The following MEGF6 variants were observed in gnomAD, a reference collection of about 807,000 sequenced individuals.
MEGF6 encodes the protein multiple epidermal growth factor-like domains protein 6.
A neutral mutation model predicts 207.1 loss-of-function variants in MEGF6; 184 were observed. That is an observed-to-expected ratio of 0.89 (90% CI 0.79 to 1.00). MEGF6 has a LOEUF of 1.00. MEGF6 is among the 50% of genes least tolerant of loss of function. The pLI is 0.00. For synonymous variants in MEGF6, 1,038 were observed against 910.0 expected (o/e 1.14, Z -2.53); for missense variants, 2,282 against 2,202.9 (o/e 1.04, Z -0.72).
chr1:3,494,464 G>T lies in MEGF6; in HGVS notation c.4036C>A (p.Leu1346Met). ...CTGTTGTTGTGGCAGGAGCACTCCA[G>T]ATGGCAGGCGGCTCCGTAGCGCCCA... ...PPGRYGAACH[L>M]ECSCHNNSTC... The change falls in exon 32 of 37, where the codon CTG becomes ATG. Residue 1346 changes from leucine (L) to methionine (M), a missense_variant. Transcript: ENST00000356575. 6.3e-7 allele frequency: 1 copy of T among 1,579,282 alleles called. No homozygotes were observed. The highest frequency in any genetic ancestry group is 2.3e-5 in the East Asian group (1 of 42,992).
chr1:3,553,412 G>GC lies in MEGF6; in HGVS notation c.481+26412dup, dbSNP rs960866592. On this transcript the variant is annotated intron_variant, in intron 4 of 36. Coordinates refer to ENST00000356575, the MANE Select transcript of MEGF6 (RefSeq NM_001409.4). ...GGGGACACAGGCAAGAGACCCTCCC[G>GC]CCCCCCACCAGCCCCAGGAGGAAGA... Among the ~76,000 whole-genome samples the GC allele has an allele frequency of 9.2e-5, 14 of 151,960 alleles. 1 individual carries two copies. The highest frequency in any genetic ancestry group is 3.4e-4 in the African/African-American group (14 of 41,372).
At chr1:3,523,511 G>A (rs924310728) in intron 5 of MEGF6, among the ~76,000 whole-genome samples, 1 of 152,156 alleles carries the variant, frequency 6.6e-6, no homozygotes, top group African/African-American at 2.4e-5. Flanking sequence ...CCCCGCAGAG[G>A]AAGCTGAGGG....
At position 3,501,898 on chromosome 1, in the gene MEGF6, C is replaced by T. The variant is rs79376840; in HGVS notation, c.2212G>A (p.Val738Met). 3,010 of 1,604,646 alleles carry T rather than the reference C, an allele frequency of 1.9e-3. 60 individuals are homozygous for T. The African/African-American group carries it at 0.036, about 19-fold the overall frequency. ...CAGGAGCAGGAGCTCGAGCAGTTCACGCCAAACGTCCCCACCGGGCACTCT... is the reference window on the plus strand; with the variant it reads ...CAGGAGCAGGAGCTCGAGCAGTTCATGCCAAACGTCCCCACCGGGCACTCT... Reference protein sequence around the residue: ...GQECPVGTFGVNCSSSCSCGG... With the variant: ...GQECPVGTFGMNCSSSCSCGG... Residue 738 changes from valine to methionine, a missense_variant, in exon 18 of 37, where the codon GTG (valine) becomes ATG (methionine). Transcript: ENST00000356575.
intron 36 of MEGF6, 71 bp from the exon 37 acceptor site, chr1:3,490,660 T>C: frequency 1.3e-6 from 2 of 1,519,206 alleles, no homozygotes; most frequent in South Asian, 1.2e-5. Flanking sequence ...GGGTTCTGGG[T>C]TGGCACCTCT....
intron 1 of MEGF6, among the ~76,000 whole-genome samples, chr1:3,610,665 A>G (rs528829120): frequency 6.6e-6 from 1 of 152,208 alleles, no homozygotes; most frequent in Non-Finnish European, 1.5e-5. Flanking sequence ...CCCAAAGCAC[A>G]CATGTTTACC....
At chr1:3,589,390 A>G (rs551893028) in intron 3 of MEGF6, among the ~76,000 whole-genome samples, 91 of 150,254 alleles carry the variant, frequency 6.1e-4, no homozygotes, top group Admixed American at 1.3e-3. Flanking sequence ...CGCCCGTCCC[A>G]TTTGCTCCAG....
At chr1:3,494,238 C>T (rs940649265) in intron 32 of MEGF6, 114 bp from the exon 33 acceptor site, 104 of 1,465,326 alleles carry the variant, frequency 7.1e-5, no homozygotes, top group Non-Finnish European at 8.3e-5. Flanking sequence ...CCCTCCTGCC[C>T]GTCCTCGTCC....
chr1:3,533,873 T>C (rs1176489355), intron 4 of MEGF6, among the ~76,000 whole-genome samples: 1 of 152,158 alleles, frequency 6.6e-6, no homozygotes, highest in African/African-American at 2.4e-5. Context: ...GAAGGGATGC[T>C]GTCTCCCAGC....
chr1:3,539,265 G>A (rs558774581), intron 4 of MEGF6, among the ~76,000 whole-genome samples: 20 of 152,060 alleles, frequency 1.3e-4, no homozygotes, highest in African/African-American at 1.9e-4. Flanking sequence ...AGGCAGCAGC[G>A]GCCTCCCATC....
intron 2 of MEGF6, among the ~76,000 whole-genome samples, chr1:3,599,486 T>C (rs1465918226): frequency 6.6e-6 from 1 of 152,204 alleles, no homozygotes; most frequent in Non-Finnish European, 1.5e-5. Context: ...AGCCAAGCCC[T>C]CGGGGACACT....
chr1:3,620,352 G>A, the MEGF6 span, among the ~76,000 whole-genome samples: 2 of 152,260 alleles, frequency 1.3e-5, no homozygotes, highest in African/African-American at 4.8e-5. Context: ...ACATTTCAGA[G>A]AGCTTCACGG....
rs933766535 is a variant in MEGF6, at chr1:3,584,118, T to A, written c.377-4189A>T. Among the ~76,000 whole-genome samples, 3 of 152,214 alleles carry A rather than the reference T, an allele frequency of 2.0e-5. No homozygotes were observed. The East Asian group carries it at 5.8e-4, about 29-fold the overall frequency. ...AAGGCTGGGAGGGCCCTTAGAGGCA[T>A]CCAGGGTGCCACCGGCGCAGGACGG... On this transcript the variant is annotated intron_variant, in intron 3 of 36. Transcript: ENST00000356575.
chr1:3,498,803 C>T lies in MEGF6; in HGVS notation c.3118G>A (p.Asp1040Asn), dbSNP rs1252003338. The T allele has an allele frequency of 3.9e-6, 6 of 1,554,810 alleles. No homozygotes were observed. Among genetic ancestry groups the T allele is most frequent in the East Asian group, 2.4e-5 (1 of 41,444 alleles). The change falls in exon 25 of 37, where the codon GAC (aspartate) becomes AAC (asparagine). Residue 1040 changes from aspartate to asparagine, a missense_variant. Transcript: ENST00000356575. ...CAGAGGCAGGAATGCCGACAGTTGT[C>T]GCCGTACAGGCCGGCAGGGCAGGCT... ...LQACPAGLYG[D>N]NCRHSCLCQN...
At chr1:3,577,039 A>G (rs1424206518) in intron 4 of MEGF6, among the ~76,000 whole-genome samples, 1 of 135,746 alleles carries the variant, frequency 7.4e-6, no homozygotes, top group African/African-American at 2.8e-5. Context: ...ACCCCTGCAC[A>G]CCTGGCCCTG....
In MEGF6 at chr1:3,594,801, G is replaced by A. The variant is rs551957327; in HGVS notation, c.376+537C>T. On this transcript the variant is annotated intron_variant, in intron 3 of 36. Transcript: ENST00000356575. The surrounding 1 kb of genome is among the most constrained non-coding windows in gnomAD (Gnocchi z 4.2). ...AGCCCCAGCACATCAGCACCTGCCC[G>A]GGTCAGGTCGTATGCAGCACGGGCC... 5.3e-5 allele frequency among the ~76,000 whole-genome samples: 8 copies of A among 152,294 alleles called. No individual in the cohort carries two copies. The highest frequency in any genetic ancestry group is 2.1e-4 in the South Asian group (1 of 4,826).
intron 23 of MEGF6, 101 bp from the exon 24 acceptor site, chr1:3,499,367 C>G: frequency 6.9e-7 from 1 of 1,459,676 alleles, no homozygotes; most frequent in Non-Finnish European, 9.1e-7. Flanking sequence ...GTCCCCTCGG[C>G]TGCTATGGCC....
In MEGF6 at chr1:3,589,125, G is replaced by C. The variant is rs377704827; in HGVS notation, c.376+6213C>G. On this transcript the variant is annotated intron_variant, in intron 3 of 36. Transcript: ENST00000356575. Reference sequence around the variant, plus strand: ...GAAAAGGCCCCAGAGACACACAGAGGGGAGATGACCATGTAGAGACGGAGG... The same window carrying C: ...GAAAAGGCCCCAGAGACACACAGAGCGGAGATGACCATGTAGAGACGGAGG... 6.1e-4 allele frequency among the ~76,000 whole-genome samples: 93 copies of C among 152,278 alleles called. No homozygotes were observed. In the East Asian group the frequency reaches 0.016, roughly 26 times the overall value.
intron 7 of MEGF6, among the ~76,000 whole-genome samples, chr1:3,513,088 C>A (rs1452173152): frequency 6.6e-6 from 1 of 152,224 alleles, no homozygotes; most frequent in African/African-American, 2.4e-5. Flanking sequence ...CAAGCACATT[C>A]ACAAACAGCC....
intron 4 of MEGF6, among the ~76,000 whole-genome samples, chr1:3,526,398 A>AAT (rs764706358): frequency 7.6e-6 from 1 of 130,924 alleles, no homozygotes; most frequent in Non-Finnish European, 1.6e-5. Context: ...GGTGACACCT[A>AAT]TTTTTTTTTT....
Sources: gnomAD v4.1 joint callset for allele counts (sites outside exome capture counted in the v4.1 genomes callset) on GRCh38, gnomAD v4.1.1 for gene constraint, Gnocchi (gnomAD v3.1) non-coding constraint, MANE v1.5 for transcripts, NCBI Gene and HGNC (gene_info 2026-07-23, HGNC 2026-07-21) for gene names.